ZMYND8: variants seen among roughly 807,000 people sequenced by gnomAD.
The protein encoded by ZMYND8 is MYND-type zinc finger-containing chromatin reader ZMYND8.
ZMYND8 carries 37 observed loss-of-function variants against 140.8 expected under a neutral mutation model. The observed-to-expected ratio is 0.26, with a 90% CI of 0.20 to 0.35. ZMYND8 has a LOEUF of 0.35. Among genes scored for constraint, ZMYND8 ranks in the 10% least tolerant of loss-of-function variants. The probability of loss-of-function intolerance (pLI) is 1.00; values close to 1 mark genes in which losing one functional copy is unlikely to be tolerated. For synonymous variants in ZMYND8, 592 were observed against 597.1 expected, an observed-to-expected ratio of 0.99 and a Z score of 0.12; for missense variants, 1,068 against 1,570.0, an observed-to-expected ratio of 0.68 and a Z score of 5.40.
At chr20:47,315,415 A>T (rs1569179051) in intron 2 of ZMYND8, among the ~76,000 whole-genome samples, 1 of 152,216 alleles carries the variant, frequency 6.6e-6, no homozygotes, top group Non-Finnish European at 1.5e-5. Flanking sequence ...CAACAGACAC[A>T]TCAGTCAACA....
At chr20:47,220,132 C>T in intron 21 of ZMYND8, 126 bp downstream of exon 21, 1 of 847,326 alleles carries the variant, frequency 1.2e-6, no homozygotes, top group Non-Finnish European at 1.8e-6. Context: ...CCCCAGGCAC[C>T]CCTAAGGATC....
At chr20:47,347,984 G>A (rs1156314891) in intron 1 of ZMYND8, 58 bp from the exon 2 acceptor site, 1 of 1,554,364 alleles carries the variant, frequency 6.4e-7, no homozygotes, top group Admixed American at 1.7e-5. Context: ...CCCCATGGGG[G>A]CAGCTATTTG....
At chr20:47,274,072 GGT>G (rs1049743796) in intron 11 of ZMYND8, among the ~76,000 whole-genome samples, 21 of 89,684 alleles carry the variant, frequency 2.3e-4, no homozygotes, top group African/African-American at 1.3e-3. Flanking sequence ...CAAAGAATGA[GGT>G]ATATTTTTCC....
intron 1 of ZMYND8, chr20:47,352,676 G>T: frequency 2.4e-6 from 1 of 412,422 alleles, no homozygotes; most frequent in Non-Finnish European, 3.3e-6. Context: ...CTCCAGGGGA[G>T]AAAGGAGGGC....
intron 15 of ZMYND8, chr20:47,238,427 T>C: frequency 2.4e-6 from 1 of 412,434 alleles, no homozygotes; most frequent in South Asian, 2.4e-5. Flanking sequence ...TTTACAACGG[T>C]TGATACTGGC....
chr20:47,305,276 T>TCG (rs2078391624), intron 3 of ZMYND8, among the ~76,000 whole-genome samples: 1 of 150,718 alleles, frequency 6.6e-6, no homozygotes, highest in Admixed American at 6.6e-5. Context: ...AGACAGAGTC[T>TCG]CGCTCTGTCA....
chr20:47,345,484 A>T, intron 2 of ZMYND8, among the ~76,000 whole-genome samples: 1 of 152,000 alleles, frequency 6.6e-6, no homozygotes, highest in East Asian at 1.9e-4. Flanking sequence ...GGAGTTAGCA[A>T]AATGAGACAG....
chr20:47,281,293 G>T (rs938817961), intron 10 of ZMYND8, among the ~76,000 whole-genome samples: 1 of 152,044 alleles, frequency 6.6e-6, no homozygotes, highest in Admixed American at 6.5e-5. Context: ...ATTTAACAGG[G>T]GAAACCAATT....
At chr20:47,311,602 T>G (rs987569831) in intron 2 of ZMYND8, among the ~76,000 whole-genome samples, 1 of 151,938 alleles carries the variant, frequency 6.6e-6, no homozygotes, top group Non-Finnish European at 1.5e-5. Flanking sequence ...TAGAGGAGAT[T>G]GTTGGGTCAA....
chr20:47,262,975 C>T (rs889250851), intron 11 of ZMYND8, among the ~76,000 whole-genome samples: 1 of 152,114 alleles, frequency 6.6e-6, no homozygotes, highest in Non-Finnish European at 1.5e-5. Flanking sequence ...GTGAGGGAGA[C>T]GTTGGTAAAT....
chr20:47,232,507 G>C (rs1233908356), intron 16 of ZMYND8, among the ~76,000 whole-genome samples: 1 of 151,980 alleles, frequency 6.6e-6, no homozygotes, highest in African/African-American at 2.4e-5. Context: ...CTGGGCACCA[G>C]GGTTAGACCC....
intron 15 of ZMYND8, chr20:47,238,151 T>C (rs1439640228): frequency 6.5e-6 from 1 of 153,156 alleles, no homozygotes; most frequent in Non-Finnish European, 1.5e-5. Context: ...AAATGCCCAT[T>C]AGTAGAGGAA....
At chr20:47,290,573 T>C (rs2077190202) in intron 6 of ZMYND8, among the ~76,000 whole-genome samples, 1 of 151,444 alleles carries the variant, frequency 6.6e-6, no homozygotes, top group Admixed American at 6.6e-5. Context: ...CAGGATAGTT[T>C]ATTTATTTAG....
chr20:47,295,241 A>C (rs1157629368), intron 4 of ZMYND8, among the ~76,000 whole-genome samples: 2 of 152,084 alleles, frequency 1.3e-5, no homozygotes, highest in Non-Finnish European at 2.9e-5. Context: ...AAAAATACAA[A>C]AACTAGCCAG....
At chr20:47,246,587 AT>A in intron 13 of ZMYND8, 70 bp from the exon 14 acceptor site, 4 of 1,504,342 alleles carry the variant, frequency 2.7e-6, no homozygotes, top group Non-Finnish European at 3.5e-6. Flanking sequence ...AAATGCAAAC[AT>A]TTTTCCACAC....
intron 2 of ZMYND8, among the ~76,000 whole-genome samples, chr20:47,311,811 A>T (rs1026293198): frequency 5.3e-5 from 8 of 151,942 alleles, no homozygotes; most frequent in African/African-American, 1.9e-4. Context: ...CAGAGGTTGT[A>T]GTGAGCCGAG....
chr20:47,211,011 A>T, intron 22 of ZMYND8, 114 bp from the exon 23 acceptor site: 1 of 1,449,936 alleles, frequency 6.9e-7, no homozygotes, highest in Non-Finnish European at 9.4e-7. Flanking sequence ...CTCCCAATTG[A>T]TGGTTCAAAC....
chr20:47,324,062 G>A (rs757033249), intron 2 of ZMYND8, among the ~76,000 whole-genome samples: 7 of 151,844 alleles, frequency 4.6e-5, no homozygotes, highest in African/African-American at 7.3e-5. Flanking sequence ...AGCTGGGTGT[G>A]GTGGTGGAGG....
intron 2 of ZMYND8, among the ~76,000 whole-genome samples, chr20:47,340,926 AT>A: frequency 6.6e-6 from 1 of 152,312 alleles, no homozygotes; most frequent in African/African-American, 2.4e-5. Flanking sequence ...GATGCTGGAA[AT>A]GTTTAATTAT....
Sources: gnomAD v4.1 joint callset for allele counts (sites outside exome capture counted in the v4.1 genomes callset) on GRCh38, gnomAD v4.1.1 for gene constraint, MANE v1.5 for transcripts, NCBI Gene and HGNC (gene_info 2026-07-23, HGNC 2026-07-21) for gene names.